Variants in ABCC11 observed in about 807,000 individuals in gnomAD.
ABCC11 encodes ATP binding cassette subfamily C member 11.
Under a neutral mutation model 149.3 loss-of-function variants are expected in ABCC11, and 135 were observed. That is an observed-to-expected ratio of 0.90 (90% CI 0.79 to 1.04). ABCC11 has a LOEUF of 1.04. ABCC11 is among the 50% of genes least tolerant of loss of function. ABCC11 has a pLI of 0.00. For missense variants in ABCC11, 1,680 were observed against 1,722.1 expected (o/e 0.98, Z 0.43); for synonymous variants, 665 against 671.4 (o/e 0.99, Z 0.15).
chr16:48,225,817 T>G (rs1370209320), intron 4 of ABCC11, among the ~76,000 whole-genome samples: 2 of 152,208 alleles, frequency 1.3e-5, no homozygotes, highest in Non-Finnish European at 2.9e-5. Context: ...GTTTTCTAAT[T>G]CTTCCATTCC....
chr16:48,238,950 A>C lies in ABCC11; in HGVS notation c.-18-7011T>G, dbSNP rs1258266330. ...GACTCTGTCTAAAAAAAAAAAAAAA[A>C]AAAAAAAAACCATAAAAACTAAATA... On this transcript the variant is annotated intron_variant, in intron 1 of 29. Coordinates refer to ENST00000356608, the MANE Select transcript of ABCC11 (RefSeq NM_001370497.1). Among the ~76,000 whole-genome samples, 5 of 151,120 alleles carry C rather than the reference A, an allele frequency of 3.3e-5. No individual in the cohort carries two copies. The East Asian group carries it at 5.8e-4, about 18-fold the overall frequency.
chr16:48,227,666 C>T (rs566972087), intron 4 of ABCC11, 140 bp downstream of exon 4: 7 of 1,049,688 alleles, frequency 6.7e-6, no homozygotes, highest in Middle Eastern at 2.9e-4. Context: ...AAACCCTCAC[C>T]TAGTATGAGG....
chr16:48,238,934 T>TAAAAAAAAAAAAA (rs3048246), intron 1 of ABCC11, among the ~76,000 whole-genome samples: 3 of 40,574 alleles, frequency 7.4e-5, no homozygotes, highest in African/African-American at 1.2e-4. Context: ...AGACTCTGTC[T>TAAAAAAAAAAAAA]AAAAAAAAAA....
chr16:48,226,259 A>G (rs539379331), intron 4 of ABCC11, among the ~76,000 whole-genome samples: 1 of 144,446 alleles, frequency 6.9e-6, no homozygotes, highest in Non-Finnish European at 1.5e-5. Flanking sequence ...CATGAAATAA[A>G]TTTATGATCC....
intron 26 of ABCC11, among the ~76,000 whole-genome samples, chr16:48,173,666 C>T (rs62058522): frequency 0.2 from 30,135 of 152,092 alleles, 3,360 homozygotes; most frequent in African/African-American, 0.29. Context: ...CTTCAGTCAC[C>T]CAGGCTGGAG....
chr16:48,176,581 C>T (rs920400797), intron 25 of ABCC11, among the ~76,000 whole-genome samples: 5 of 152,158 alleles, frequency 3.3e-5, no homozygotes, highest in African/African-American at 1.2e-4. Flanking sequence ...GACCCTATAC[C>T]CCTCAGCTTA....
chr16:48,224,286 C>T lies in ABCC11; in HGVS notation c.539G>A (p.Gly180Glu), dbSNP rs1332245024. 1 of 1,614,006 alleles carries T rather than the reference C, an allele frequency of 6.2e-7. No individual in the cohort carries two copies. Among genetic ancestry groups the T allele is most frequent in the South Asian group, 1.1e-5 (1 of 91,032 alleles). Residue 180 changes from glycine (G) to glutamate (E), a missense_variant, in exon 5 of 30, where the codon GGG becomes GAG. Coordinates refer to ENST00000356608, the MANE Select transcript of ABCC11 (RefSeq NM_001370497.1). ...CTCACCAAGTCTGCCACTTACTGGC[C>T]CGAGTACACTGGCAATGCAGAAGCA... ...GICFCIASVLGPILIIPKILE... is the reference protein window; with the variant it reads ...GICFCIASVLEPILIIPKILE...
intron 24 of ABCC11, 33 bp downstream of exon 24, chr16:48,178,564 G>A (rs749145201): frequency 3.7e-6 from 6 of 1,602,550 alleles, no homozygotes; most frequent in Non-Finnish European, 5.1e-6. Flanking sequence ...AACTTGCATG[G>A]CTCCCCACAC....
intron 9 of ABCC11, among the ~76,000 whole-genome samples, chr16:48,214,202 C>T (rs1464404547): frequency 6.6e-6 from 1 of 152,034 alleles, no homozygotes; most frequent in Non-Finnish European, 1.5e-5. Context: ...TGCCTTGTGT[C>T]ATCTCAGTGT....
chr16:48,172,629 T>C (rs548953444), intron 26 of ABCC11, among the ~76,000 whole-genome samples: 4 of 152,300 alleles, frequency 2.6e-5, no homozygotes, highest in Admixed American at 2.0e-4. Flanking sequence ...TGCCAAATTG[T>C]TTTCCATGGT....
intron 13 of ABCC11, 71 bp downstream of exon 13, chr16:48,205,342 G>T: frequency 6.3e-7 from 1 of 1,592,678 alleles, no homozygotes; most frequent in Non-Finnish European, 8.6e-7. Flanking sequence ...TCAGGTTACC[G>T]TTTGAAGCTG....
At chr16:48,210,053 T>C (rs1275970127) in intron 11 of ABCC11, 6 of 151,902 alleles carry the variant, frequency 3.9e-5, no homozygotes. Flanking sequence ...TGCTGGTGGA[T>C]TGGATTCGAG....
At chr16:48,175,680 A>C (rs1966015507) in intron 25 of ABCC11, among the ~76,000 whole-genome samples, 1 of 152,208 alleles carries the variant, frequency 6.6e-6, no homozygotes, top group Non-Finnish European at 1.5e-5. Context: ...TGTTTCATAT[A>C]CACAATGTTA....
In ABCC11 at chr16:48,213,425, A is replaced by G. The variant is rs1159898854; in HGVS notation, c.1356+18T>C. ...GCGTCCAAGCAGGGGGCCTACAGCC[A>G]GTCCCCTGATGACCTACCTTGAACC... On this transcript the variant is annotated intron_variant, in intron 10 of 29. Transcript: ENST00000356608. 1 of 1,602,830 alleles carries G rather than the reference A, an allele frequency of 6.2e-7. No individual in the cohort carries two copies. Among genetic ancestry groups the G allele is most frequent in the Non-Finnish European group, 8.5e-7 (1 of 1,172,324 alleles).
Position 48,211,116 on chromosome 16 carries a change from G to A in ABCC11, c.1440C>T (p.Thr480=), listed in dbSNP as rs1390288738. ...PSKALVFEEA[T]LSWQQTCPGI... ...CGGGACAGGTCTGTTGCCATGACAA[G>A]GTGGCCTCCTCAAAGACCAGAGCTT... Residue 480 remains threonine, a synonymous_variant, in exon 11 of 30, where the codon ACC becomes ACT. Transcript: ENST00000356608. 6.2e-7 allele frequency: 1 copy of A among 1,614,064 alleles called. No homozygotes were observed. The highest frequency in any genetic ancestry group is 8.5e-7 in the Non-Finnish European group (1 of 1,180,042).
chr16:48,240,156 C>G (rs184091637), intron 1 of ABCC11, among the ~76,000 whole-genome samples: 1 of 152,260 alleles, frequency 6.6e-6, no homozygotes. Flanking sequence ...CCATTTGACC[C>G]AGCAATCCCA....
intron 1 of ABCC11, 180 bp from the exon 2 acceptor site, chr16:48,232,119 ATCT>A (rs1389943796): frequency 2.2e-6 from 3 of 1,340,174 alleles, no homozygotes; most frequent in Admixed American, 6.2e-5. Context: ...CTTTTTAAAC[ATCT>A]TCTCAGGCCT....
chr16:48,246,705 G>T (rs1596891401), intron 1 of ABCC11, among the ~76,000 whole-genome samples: 1 of 152,182 alleles, frequency 6.6e-6, no homozygotes, highest in Middle Eastern at 3.4e-3. Flanking sequence ...TTCTGGAGTG[G>T]CTGGGACTAT....
At chr16:48,174,283 A>C (rs1166231110) in intron 26 of ABCC11, among the ~76,000 whole-genome samples, 2 of 152,222 alleles carry the variant, frequency 1.3e-5, no homozygotes, top group Non-Finnish European at 2.9e-5. Flanking sequence ...CAGTGTCCAG[A>C]CCAGGCAGAA....
Sources: allele counts gnomAD v4.1 joint callset (sites outside exome capture counted in the v4.1 genomes callset), GRCh38; gene constraint gnomAD v4.1.1; transcripts MANE v1.5; gene names NCBI Gene and HGNC (gene_info 2026-07-23, HGNC 2026-07-21).